TOP6BL: variants seen among roughly 807,000 people sequenced by gnomAD.
TOP6BL encodes type 2 DNA topoisomerase 6 subunit B-like.
the TOP6BL span, among the ~76,000 whole-genome samples, chr11:66,768,457 A>G: frequency 2.0e-5 from 3 of 152,142 alleles, no homozygotes; most frequent in African/African-American, 7.2e-5. Flanking sequence ...AGAGATGAGA[A>G]AACTGAGACT....
At chr11:66,787,574 G>C in the TOP6BL span, among the ~76,000 whole-genome samples, 1 of 147,280 alleles carries the variant, frequency 6.8e-6, no homozygotes, top group Non-Finnish European at 1.5e-5. Context: ...AAAAAGCCTA[G>C]CGGGGCATGG....
chr11:66,773,338 A>G, the TOP6BL span, among the ~76,000 whole-genome samples: 14 of 148,764 alleles, frequency 9.4e-5, no homozygotes, highest in Non-Finnish European at 1.9e-4. Context: ...ATAGGCACGT[A>G]CCACTGCACC....
chr11:66,814,074 A>G, the TOP6BL span: 2 of 1,380,794 alleles, frequency 1.4e-6, no homozygotes, highest in Non-Finnish European at 2.0e-6. Flanking sequence ...TAGATAAATG[A>G]AAGGAAATAT....
the TOP6BL span, among the ~76,000 whole-genome samples, chr11:66,766,576 G>A: frequency 4.6e-5 from 7 of 152,324 alleles, no homozygotes; most frequent in Middle Eastern, 6.8e-3. Flanking sequence ...TGTAATGGAG[G>A]TGTAAGTTGA....
At chr11:66,813,950 C>A in the TOP6BL span, 2 of 1,613,796 alleles carry the variant, frequency 1.2e-6, no homozygotes, top group Non-Finnish European at 1.7e-6. Flanking sequence ...GATACCTCTT[C>A]TTTAGTTGAC....
chr11:66,786,427 C>G, the TOP6BL span, among the ~76,000 whole-genome samples: 1 of 151,988 alleles, frequency 6.6e-6, no homozygotes, highest in African/African-American at 2.4e-5. Flanking sequence ...CTTAATTCAT[C>G]TTGAAATCAA....
the TOP6BL span, among the ~76,000 whole-genome samples, chr11:66,750,121 T>A: frequency 6.6e-6 from 1 of 152,210 alleles, no homozygotes; most frequent in Admixed American, 6.6e-5. Flanking sequence ...GAACTAGAAC[T>A]ATACTATACA....
the TOP6BL span, among the ~76,000 whole-genome samples, chr11:66,779,460 A>G: frequency 6.6e-6 from 1 of 152,220 alleles, no homozygotes; most frequent in African/African-American, 2.4e-5. Flanking sequence ...AACCACAATG[A>G]GATACCATCT....
the TOP6BL span, among the ~76,000 whole-genome samples, chr11:66,838,926 T>C: frequency 6.6e-6 from 1 of 151,986 alleles, no homozygotes; most frequent in Non-Finnish European, 1.5e-5. Context: ...AGAGACGGGG[T>C]TTCACCGTGT....
chr11:66,762,013 T>G, the TOP6BL span: 3 of 1,539,852 alleles, frequency 1.9e-6, no homozygotes, highest in African/African-American at 4.1e-5. Context: ...TTGTTAATAT[T>G]GAAAGTGACA....
the TOP6BL span, among the ~76,000 whole-genome samples, chr11:66,770,969 T>C: frequency 7.8e-4 from 118 of 152,240 alleles, 1 homozygote; most frequent in South Asian, 3.7e-3. Flanking sequence ...ATCATAAAAC[T>C]GAATGTTGGG....
the TOP6BL span, among the ~76,000 whole-genome samples, chr11:66,757,883 C>T: frequency 3.3e-5 from 5 of 152,262 alleles, no homozygotes; most frequent in East Asian, 1.9e-4. Flanking sequence ...CCACCATACC[C>T]GGCTGGAACT....
At chr11:66,765,131 AAG>A in the TOP6BL span, among the ~76,000 whole-genome samples, 1 of 152,352 alleles carries the variant, frequency 6.6e-6, no homozygotes, top group African/African-American at 2.4e-5. Flanking sequence ...GCTTTGAAAA[AAG>A]TGAAAAGCCG....
the TOP6BL span, among the ~76,000 whole-genome samples, chr11:66,840,616 C>T: frequency 6.6e-6 from 1 of 152,186 alleles, no homozygotes; most frequent in Admixed American, 6.5e-5. Flanking sequence ...TGCATGCACC[C>T]TGTCTCCCTT....
the TOP6BL span, among the ~76,000 whole-genome samples, chr11:66,746,434 A>G: frequency 6.6e-6 from 1 of 151,852 alleles, no homozygotes; most frequent in Non-Finnish European, 1.5e-5. Flanking sequence ...AAAAAATACA[A>G]AAATTAGCGG....
the TOP6BL span, among the ~76,000 whole-genome samples, chr11:66,835,348 C>T: frequency 6.6e-6 from 1 of 152,096 alleles, no homozygotes; most frequent in African/African-American, 2.4e-5. Flanking sequence ...TTTGCCCCTC[C>T]TATGTTCCTT....
the TOP6BL span, among the ~76,000 whole-genome samples, chr11:66,805,327 A>C: frequency 6.6e-6 from 1 of 152,210 alleles, no homozygotes; most frequent in East Asian, 1.9e-4. Context: ...TGAATTAATC[A>C]ACAAAATGTG....
At chr11:66,819,904 TAAAAA>T in the TOP6BL span, among the ~76,000 whole-genome samples, 2 of 119,770 alleles carry the variant, frequency 1.7e-5, no homozygotes, top group Non-Finnish European at 1.7e-5. Flanking sequence ...ACTCTTGTCT[TAAAAA>T]AAAAAAAAAA....
chr11:66,821,812 A>G, the TOP6BL span: 1 of 1,599,058 alleles, frequency 6.3e-7, no homozygotes, highest in Non-Finnish European at 8.5e-7. Context: ...TAAGAAAAAG[A>G]TAGCAAGCAT....
Sources: allele counts gnomAD v4.1 joint callset (sites outside exome capture counted in the v4.1 genomes callset), GRCh38; gene constraint gnomAD v4.1.1; transcripts MANE v1.5; gene names NCBI Gene and HGNC (gene_info 2026-07-23, HGNC 2026-07-21).